Variants in TECPR2 observed in about 807,000 individuals in gnomAD.
TECPR2 encodes the protein tectonin beta-propeller repeat containing 2, also known as tectonin beta-propeller repeat-containing protein 2.
TECPR2 carries 65 observed loss-of-function variants against 138.1 expected under a neutral mutation model. The ratio of observed to expected loss-of-function variants is 0.47; its 90% confidence interval spans 0.39 to 0.58. The LOEUF (loss-of-function observed/expected upper bound fraction) is 0.58, where lower values mean the gene tolerates loss of function less well. Ranked by LOEUF, TECPR2 falls within the 20% of genes least tolerant of loss-of-function variation. TECPR2 has a pLI of 0.00. For synonymous variants in TECPR2, 746 were observed against 749.8 expected (o/e 0.99, Z 0.08); for missense variants, 1,553 against 1,824.5 (o/e 0.85, Z 2.71).
chr14:102,442,805 T>C (rs1889869859), intron 11 of TECPR2, among the ~76,000 whole-genome samples: 1 of 152,226 alleles, frequency 6.6e-6, no homozygotes, highest in African/African-American at 2.4e-5. Flanking sequence ...TGAGACCTAA[T>C]TGCAGGCCTA....
At chr14:102,477,234 G>A (rs1437581264) in intron 17 of TECPR2, among the ~76,000 whole-genome samples, 2 of 152,094 alleles carry the variant, frequency 1.3e-5, no homozygotes, top group Non-Finnish European at 2.9e-5. Context: ...GCTGAGTGTG[G>A]TGGTGCACAC....
At chr14:102,481,779 C>T (rs1377676646) in intron 17 of TECPR2, among the ~76,000 whole-genome samples, 1 of 152,156 alleles carries the variant, frequency 6.6e-6, no homozygotes, top group East Asian at 1.9e-4. Flanking sequence ...TGTGTTTGGT[C>T]CCCTGACTTC....
intron 4 of TECPR2, among the ~76,000 whole-genome samples, chr14:102,408,990 T>G (rs991214716): frequency 1.1e-4 from 16 of 152,332 alleles, no homozygotes; most frequent in African/African-American, 3.6e-4. Flanking sequence ...CCACCTGGCC[T>G]GTGTGAGATG....
At position 102,419,939 on chromosome 14, in the gene TECPR2, G is replaced by A. The variant is rs1399217786; in HGVS notation, c.639-5040G>A. Among the ~76,000 whole-genome samples the A allele has an allele frequency of 2.0e-5, 3 of 152,148 alleles. No individual in the cohort carries two copies. Among genetic ancestry groups the A allele is most frequent in the African/African-American group, 4.8e-5 (2 of 41,416 alleles). ...CGCATGTGGGTAAGAGCCAGCAGCCGGTTCTGGAACCCCGCGACTAGCACA... is the reference window on the plus strand; with the variant it reads ...CGCATGTGGGTAAGAGCCAGCAGCCAGTTCTGGAACCCCGCGACTAGCACA... On this transcript the variant is annotated intron_variant, in intron 5 of 19. Coordinates refer to ENST00000359520, the MANE Select transcript of TECPR2 (RefSeq NM_014844.5). This position sits in a 1 kb window ranked among gnomAD's most constrained non-coding sequence, Gnocchi z 4.8.
At chr14:102,408,356 T>C in intron 3 of TECPR2, 132 bp from the exon 4 acceptor site, 1 of 987,990 alleles carries the variant, frequency 1.0e-6, no homozygotes, top group Non-Finnish European at 1.4e-6. Context: ...TGCAGGGTTC[T>C]GCTTGGAAAA....
At chr14:102,416,706 G>A (rs1227129138) in intron 5 of TECPR2, among the ~76,000 whole-genome samples, 2 of 151,992 alleles carry the variant, frequency 1.3e-5, no homozygotes, top group African/African-American at 2.4e-5. Context: ...GCCCTTGGCC[G>A]GACACAGTGG....
At chr14:102,437,689 A>G (rs935340554) in intron 9 of TECPR2, among the ~76,000 whole-genome samples, 25 of 152,224 alleles carry the variant, frequency 1.6e-4, no homozygotes, top group Admixed American at 5.2e-4. Flanking sequence ...CTCTTTGTGT[A>G]AGGTGAGGTA....
At chr14:102,481,567 G>A (rs28722958) in intron 17 of TECPR2, among the ~76,000 whole-genome samples, 3 of 152,282 alleles carry the variant, frequency 2.0e-5, no homozygotes, top group African/African-American at 7.2e-5. Context: ...ATCATCCACC[G>A]CACTCCAGCC....
intron 4 of TECPR2, among the ~76,000 whole-genome samples, chr14:102,412,516 C>T (rs1888909624): frequency 6.6e-6 from 1 of 152,070 alleles, no homozygotes; most frequent in Non-Finnish European, 1.5e-5. Flanking sequence ...TATAAGGAAT[C>T]ATGTCAAGTT....
intron 16 of TECPR2, among the ~76,000 whole-genome samples, chr14:102,464,701 A>G (rs1415651070): frequency 1.3e-5 from 2 of 152,246 alleles, no homozygotes; most frequent in East Asian, 3.8e-4. Context: ...ATTCTAATTA[A>G]GATCAAGATT....
rs188100317 is a variant in TECPR2, at chr14:102,474,323, A to T, written c.3789+9034A>T. Among the ~76,000 whole-genome samples the T allele has an allele frequency of 2.1e-4, 32 of 152,106 alleles. 1 individual carries two copies. The highest frequency in any genetic ancestry group is 3.5e-4 in the Non-Finnish European group (24 of 67,980). ...TCACTGAAAACCTAGAAGAAACTAC[A>T]ACAAAGGTGACTGTTATGGGGCCGG... is the stretch of plus-strand genomic sequence containing the variant. On this transcript the variant is annotated intron_variant, in intron 17 of 19. Coordinates refer to ENST00000359520, the MANE Select transcript of TECPR2 (RefSeq NM_014844.5).
At chr14:102,483,354 C>A (rs890151867) in intron 17 of TECPR2, among the ~76,000 whole-genome samples, 1 of 151,858 alleles carries the variant, frequency 6.6e-6, no homozygotes, top group East Asian at 1.9e-4. Flanking sequence ...TCTTCTGCCC[C>A]GCCTCTCTTG....
At chr14:102,435,284 A>T in intron 9 of TECPR2, 73 bp downstream of exon 9, 1 of 1,497,216 alleles carries the variant, frequency 6.7e-7, no homozygotes, top group Non-Finnish European at 8.9e-7. Context: ...AAGACTGATT[A>T]TTTTCCTTCT....
At chr14:102,483,251 A>AGT (rs760059944) in intron 17 of TECPR2, among the ~76,000 whole-genome samples, 27 of 151,992 alleles carry the variant, frequency 1.8e-4, no homozygotes, top group Non-Finnish European at 3.8e-4. Context: ...ACAGATACAT[A>AGT]GTGGTATGCC....
Position 102,440,566 on chromosome 14 carries a change from G to T in TECPR2, c.2709G>T (p.Thr903=), listed in dbSNP as rs977517679. 6.2e-7 allele frequency: 1 copy of T among 1,614,162 alleles called. No individual in the cohort carries two copies. Among genetic ancestry groups the T allele is most frequent in the Admixed American group, 1.7e-5 (1 of 60,020 alleles). ...TGTTTGTGGCCCTGAGCGATGACAC[G>T]GCCTGGATCATCAGGACCAGTGGGG... The part of the protein sequence containing the change: ...QAVFVALSDD[T]AWIIRTSGDL... Residue 903 remains threonine (T), a synonymous_variant, in exon 11 of 20, where the codon ACG becomes ACT. Transcript: ENST00000359520.
In TECPR2 at chr14:102,452,382, C is replaced by T. The variant is rs755529628; in HGVS notation, c.3407-12C>T. 8.7e-6 allele frequency: 14 copies of T among 1,601,148 alleles called. No homozygotes were observed. The highest frequency in any genetic ancestry group is 1.2e-5 in the Non-Finnish European group (14 of 1,169,504). On this transcript the variant is annotated splice_polypyrimidine_tract_variant and intron_variant, in intron 15 of 19. Transcript: ENST00000359520. ...ACAACACCTCGATGACAAACATGAC[C>T]CCTTTCTGCAGGAAGCTTCCTGTGG... is the stretch of plus-strand genomic sequence containing the variant.
rs1480113758 is a variant in TECPR2, at chr14:102,500,140, T to TG, written c.*1884dup. ...TCTTTCTGGTTTTAATTTTTAGTTG[T>TG]GCTTTGAGTCAGTGCAATAAACTAG... On this transcript the variant is annotated 3_prime_UTR_variant, in exon 20 of 20. Coordinates refer to ENST00000359520, the MANE Select transcript of TECPR2 (RefSeq NM_014844.5). The TG allele has an allele frequency of 6.5e-6, 1 of 152,718 alleles. No individual in the cohort carries two copies. Among genetic ancestry groups the TG allele is most frequent in the Non-Finnish European group, 1.5e-5 (1 of 68,078 alleles). 9.5% of individuals were successfully genotyped at this position (152,718 alleles called of 1,614,324 possible). A position where few individuals can be genotyped will look rare whatever the true frequency, so the allele number is the denominator to read the frequency against.
At chr14:102,422,092 C>T (rs1256928556) in intron 5 of TECPR2, among the ~76,000 whole-genome samples, 2 of 152,166 alleles carry the variant, frequency 1.3e-5, no homozygotes, top group Non-Finnish European at 2.9e-5. Flanking sequence ...AATATGCTCT[C>T]AGCAACCCAG....
chr14:102,443,733 G>C lies in TECPR2; in HGVS notation c.2839G>C (p.Val947Leu), dbSNP rs748834311. Reference sequence around the variant, plus strand: ...CCAGATCACAGCCCGGAACAATGTGGTGTGGGCGCTGACAGAGCAGAGGGC... The same window carrying C: ...CCAGATCACAGCCCGGAACAATGTGCTGTGGGCGCTGACAGAGCAGAGGGC... Reference protein sequence around the residue: ...LSQITARNNVVWALTEQRALL... With the variant: ...LSQITARNNVLWALTEQRALL... The change falls in exon 12 of 20, where the codon GTG becomes CTG. Residue 947 changes from valine (V) to leucine (L), a missense_variant. Physicochemically the swap from Val to Leu is conservative, Grantham distance 32. Coordinates refer to ENST00000359520, the MANE Select transcript of TECPR2 (RefSeq NM_014844.5). The surrounding 1 kb of genome is among the most constrained non-coding windows in gnomAD (Gnocchi z 4.9). 8 of 1,613,260 alleles carry C rather than the reference G, an allele frequency of 5.0e-6. No homozygotes were observed. In the East Asian group the frequency reaches 1.8e-4, roughly 36 times the overall value.
Sources: gnomAD v4.1 joint callset for allele counts (sites outside exome capture counted in the v4.1 genomes callset) on GRCh38, gnomAD v4.1.1 for gene constraint, Gnocchi (gnomAD v3.1) non-coding constraint, MANE v1.5 for transcripts, NCBI Gene and HGNC (gene_info 2026-07-23, HGNC 2026-07-21) for gene names.